BTNL8: variants seen among roughly 807,000 people sequenced by gnomAD.
The protein encoded by BTNL8 is butyrophilin-like protein 8.
Under a neutral mutation model 36.1 loss-of-function variants are expected in BTNL8, and 22 were observed. The observed-to-expected ratio is 0.61, with a 90% CI of 0.44 to 0.87. The LOEUF (loss-of-function observed/expected upper bound fraction) is 0.87. Ranked by LOEUF, BTNL8 falls within the 40% of genes least tolerant of loss-of-function variation. The pLI, the probability that BTNL8 is intolerant of heterozygous loss-of-function variation, is 0.00. For missense variants in BTNL8, 526 were observed against 616.9 expected (o/e 0.85, Z 1.56); for synonymous variants, 203 against 235.6 (o/e 0.86, Z 1.27).
rs762544045 is a variant in BTNL8 at position 180,911,500 on chromosome 5, G to A, written c.559G>A (p.Gly187Ser). 2.5e-6 allele frequency: 4 copies of A among 1,614,070 alleles called. No homozygotes were observed. Among genetic ancestry groups the A allele is most frequent in the Admixed American group, 1.7e-5 (1 of 60,008 alleles). Residue 187 changes from glycine to serine, a missense_variant, in exon 3 of 8, where the codon GGC (glycine) becomes AGC (serine). Physicochemically the swap from Gly to Ser is moderately conservative, Grantham distance 56. Around this residue, in one of 2 missense-constraint regions of BTNL8, gnomAD observed 350 missense variants for 324.6 expected, o/e 1.08. Transcript: ENST00000340184. Reference sequence around the variant, plus strand: ...CTCCAGGACAAACAGAGACATGCATGGCCTGTTTGATGTGGAGATCTCTCT... The same window carrying A: ...CTCCAGGACAAACAGAGACATGCATAGCCTGTTTGATGTGGAGATCTCTCT... ...TDSRTNRDMH[G>S]LFDVEISLTV...
At chr5:180,944,207 A>G (rs1759121672) in intron 3 of BTNL8, among the ~76,000 whole-genome samples, 1 of 152,214 alleles carries the variant, frequency 6.6e-6, no homozygotes, top group African/African-American at 2.4e-5. Context: ...AGACTGGCCA[A>G]TGCATACAAA....
intron 3 of BTNL8, among the ~76,000 whole-genome samples, chr5:180,917,013 C>A (rs1007789820): frequency 1.1e-4 from 17 of 150,932 alleles, no homozygotes; most frequent in African/African-American, 4.2e-4. Context: ...AAACCAAAGA[C>A]AAGGTTAGAC....
chr5:180,918,582 G>C (rs907209506), intron 3 of BTNL8, among the ~76,000 whole-genome samples: 8 of 152,142 alleles, frequency 5.3e-5, no homozygotes, highest in African/African-American at 1.7e-4. Flanking sequence ...GGTTTATTCT[G>C]GGCCAAATGT....
chr5:180,919,154 A>G (rs1757764288), intron 3 of BTNL8, among the ~76,000 whole-genome samples: 1 of 152,230 alleles, frequency 6.6e-6, no homozygotes. Flanking sequence ...AGGGCCTGCT[A>G]TCTGTCATGT....
chr5:180,929,842 G>T (rs1715332344), intron 3 of BTNL8, among the ~76,000 whole-genome samples: 1 of 152,044 alleles, frequency 6.6e-6, no homozygotes. Flanking sequence ...AATCAAAAAA[G>T]GCCCAGGACA....
At chr5:180,916,037 G>C (rs1757615177) in intron 3 of BTNL8, among the ~76,000 whole-genome samples, 1 of 152,178 alleles carries the variant, frequency 6.6e-6, no homozygotes, top group Admixed American at 6.5e-5. Flanking sequence ...TGGAGGCTGG[G>C]AAGTCTAAGA....
chr5:180,948,184 C>A, intron 4 of BTNL8, 171 bp from the exon 5 acceptor site: 8 of 1,045,432 alleles, frequency 7.7e-6, no homozygotes, highest in Non-Finnish European at 1.1e-5. Context: ...TTGCTCCACC[C>A]CAGAGAGCCA....
chr5:180,943,260 G>A (rs778581682), intron 3 of BTNL8, among the ~76,000 whole-genome samples: 8 of 147,780 alleles, frequency 5.4e-5, no homozygotes, highest in East Asian at 2.0e-4. Flanking sequence ...TCAGCCTCCC[G>A]AGTAGCTGGG....
intron 3 of BTNL8, among the ~76,000 whole-genome samples, chr5:180,943,243 T>C (rs1409824795): frequency 6.6e-6 from 1 of 150,380 alleles, no homozygotes; most frequent in Non-Finnish European, 1.5e-5. Context: ...CAAGTGATTC[T>C]CCTGCCTCAG....
At chr5:180,931,280 C>T (rs1326896526) in intron 3 of BTNL8, among the ~76,000 whole-genome samples, 1 of 152,124 alleles carries the variant, frequency 6.6e-6, no homozygotes, top group East Asian at 1.9e-4. Flanking sequence ...AAACTGGACT[C>T]CTTCCTTACA....
At position 180,949,743 on chromosome 5, in the gene BTNL8, G is replaced by A. The variant is rs1426911164; in HGVS notation, c.863-161G>A. 3.3e-6 allele frequency: 3 copies of A among 899,112 alleles called. No homozygotes were observed. In the African/African-American group the frequency reaches 4.9e-5, roughly 15 times the overall value. 55.7% of individuals were successfully genotyped at this position (899,112 alleles called of 1,614,324 possible). Reference sequence around the variant, plus strand: ...TTGATGAGTCCTCCAGGCTGCACTGGTGATGAGAGGACCTGAAAGGCAGTG... The same window carrying A: ...TTGATGAGTCCTCCAGGCTGCACTGATGATGAGAGGACCTGAAAGGCAGTG... On this transcript the variant is annotated intron_variant, in intron 7 of 7. Transcript: ENST00000340184.
At chr5:180,947,294 T>G (rs1307793178) in intron 3 of BTNL8, among the ~76,000 whole-genome samples, 3 of 152,194 alleles carry the variant, frequency 2.0e-5, no homozygotes, top group Admixed American at 6.5e-5. Flanking sequence ...GAATGTCCAT[T>G]CAATAAATGT....
At chr5:180,939,578 G>A (rs895151293) in intron 3 of BTNL8, among the ~76,000 whole-genome samples, 8 of 152,066 alleles carry the variant, frequency 5.3e-5, no homozygotes, top group Non-Finnish European at 1.0e-4. Flanking sequence ...TAGATCTAAA[G>A]GGAAAGGTAG....
At chr5:180,932,018 T>C (rs532657371) in intron 3 of BTNL8, among the ~76,000 whole-genome samples, 3 of 152,330 alleles carry the variant, frequency 2.0e-5, no homozygotes, top group Admixed American at 6.5e-5. Flanking sequence ...CATATGTTTA[T>C]TGCAGCACTG....
intron 1 of BTNL8, chr5:180,902,239 A>G (rs1349517118): frequency 1.0e-6 from 1 of 987,730 alleles, no homozygotes. Context: ...GTGGCAATAG[A>G]ACCTCCTGGA....
chr5:180,932,596 G>T (rs781568287), intron 3 of BTNL8, among the ~76,000 whole-genome samples: 1 of 152,000 alleles, frequency 6.6e-6, no homozygotes, highest in Admixed American at 6.6e-5. Context: ...TGATCCGCCC[G>T]CCTCGGCCTC....
At chr5:180,911,764 T>G in intron 3 of BTNL8, 150 bp downstream of exon 3, 1 of 840,126 alleles carries the variant, frequency 1.2e-6, no homozygotes. Context: ...GATGTAAAAG[T>G]AAAGTTATAA....
At chr5:180,916,305 A>C (rs561160422) in intron 3 of BTNL8, among the ~76,000 whole-genome samples, 41 of 152,338 alleles carry the variant, frequency 2.7e-4, no homozygotes, top group Middle Eastern at 3.4e-3. Flanking sequence ...ATTTTTAAAC[A>C]ATAGCGAAAT....
Position 180,949,261 on chromosome 5 carries a change from C to A in BTNL8, c.858C>A (p.His286Gln), listed in dbSNP as rs145611296. The change falls in exon 7 of 8, where the codon CAC becomes CAA. Residue 286 changes from histidine to glutamine, a missense_variant. His to Gln is a conservative substitution (Grantham distance 24). Around this residue, in one of 2 missense-constraint regions of BTNL8, gnomAD observed 176 missense variants for 292.3 expected, o/e 0.60. Transcript: ENST00000340184. ...CAGAATTGAGAGACGCCCGGAAACA[C>A]GCAGGTACCAACGCCTGAGAGGGTG... The part of the protein sequence containing the change: ...GQAELRDARK[H>Q]AVEVTLDPET... 2 of 1,460,544 alleles carry A rather than the reference C, an allele frequency of 1.4e-6. 1 individual carries two copies. The highest frequency in any genetic ancestry group is 1.9e-6 in the Non-Finnish European group (2 of 1,058,180). 90.5% of individuals were successfully genotyped at this position (1,460,544 alleles called of 1,614,324 possible).
Sources: gnomAD v4.1 joint callset for allele counts (sites outside exome capture counted in the v4.1 genomes callset) on GRCh38, gnomAD v4.1.1 for gene constraint, gnomAD v4.1.1 regional missense constraint, MANE v1.5 for transcripts, NCBI Gene and HGNC (gene_info 2026-07-23, HGNC 2026-07-21) for gene names.